DOCK5: variants seen among roughly 807,000 people sequenced by gnomAD.
DOCK5 encodes dedicator of cytokinesis 5, also known as dedicator of cytokinesis protein 5.
A neutral mutation model predicts 251.8 loss-of-function variants in DOCK5; 142 were observed. The observed-to-expected ratio is 0.56, with a 90% CI of 0.49 to 0.65. DOCK5 has a LOEUF of 0.65. DOCK5 is among the 30% of genes least tolerant of loss of function. The probability of loss-of-function intolerance (pLI) is 0.00; values close to 1 mark genes in which losing one functional copy is unlikely to be tolerated. For missense variants in DOCK5, 2,111 were observed against 2,312.3 expected (o/e 0.91, Z 1.79); for synonymous variants, 842 against 835.5 (o/e 1.01, Z -0.13).
intron 1 of DOCK5, among the ~76,000 whole-genome samples, chr8:25,199,820 G>T (rs917113680): frequency 6.7e-6 from 1 of 149,280 alleles, no homozygotes; most frequent in East Asian, 1.9e-4. Context: ...ATCTACCCAC[G>T]TGGAACCAGA....
At chr8:25,407,200 G>T (rs894891912) in intron 48 of DOCK5, among the ~76,000 whole-genome samples, 13 of 151,850 alleles carry the variant, frequency 8.6e-5, no homozygotes, top group African/African-American at 3.1e-4. Flanking sequence ...GAAGTGGTGG[G>T]ATTATTTCTA....
intron 15 of DOCK5, among the ~76,000 whole-genome samples, chr8:25,320,640 C>A (rs557341319): frequency 2.7e-4 from 41 of 152,214 alleles, no homozygotes; most frequent in African/African-American, 9.6e-4. Flanking sequence ...CTTATAGATC[C>A]AATTATTACT....
intron 1 of DOCK5, among the ~76,000 whole-genome samples, chr8:25,204,452 A>C (rs1459601138): frequency 6.6e-6 from 1 of 152,132 alleles, no homozygotes; most frequent in African/African-American, 2.4e-5. Flanking sequence ...ATTTTCTATT[A>C]CCTTCTAGAT....
At chr8:25,357,674 G>A (rs1800602536) in intron 27 of DOCK5, among the ~76,000 whole-genome samples, 1 of 152,002 alleles carries the variant, frequency 6.6e-6, no homozygotes, top group Admixed American at 6.6e-5. Flanking sequence ...CACCCCACCA[G>A]GCCTAAAAAA....
intron 48 of DOCK5, among the ~76,000 whole-genome samples, chr8:25,407,103 A>C (rs1801536133): frequency 6.6e-6 from 1 of 152,174 alleles, no homozygotes. Flanking sequence ...ATATGTATGT[A>C]ACTTGTATCA....
At chr8:25,271,864 A>G (rs1024289990) in intron 3 of DOCK5, among the ~76,000 whole-genome samples, 3 of 152,216 alleles carry the variant, frequency 2.0e-5, no homozygotes, top group African/African-American at 7.2e-5. Flanking sequence ...GAGTCATTCT[A>G]TAAGCATCAG....
chr8:25,339,865 C>T (rs1024083748), intron 22 of DOCK5, among the ~76,000 whole-genome samples: 2 of 152,108 alleles, frequency 1.3e-5, no homozygotes, highest in Non-Finnish European at 2.9e-5. Context: ...ATCTCATCTC[C>T]CACATGGAAA....
chr8:25,253,190 C>G (rs17053238), intron 2 of DOCK5, among the ~76,000 whole-genome samples: 4,052 of 152,284 alleles, frequency 0.027, 212 homozygotes, highest in African/African-American at 0.092. Context: ...GTAGAGTTCA[C>G]AACTGTTTCC....
At chr8:25,310,614 C>T (rs1365391309) in intron 13 of DOCK5, 82 bp downstream of exon 13, 1 of 1,458,594 alleles carries the variant, frequency 6.9e-7, no homozygotes, top group Non-Finnish European at 9.1e-7. Flanking sequence ...CAACTTGGAT[C>T]CAGAAGACTT....
At chr8:25,346,915 A>C (rs1375631867) in intron 26 of DOCK5, among the ~76,000 whole-genome samples, 1 of 152,010 alleles carries the variant, frequency 6.6e-6, no homozygotes, top group Non-Finnish European at 1.5e-5. Flanking sequence ...CAGAGCCCCC[A>C]CACAGGAAGC....
intron 2 of DOCK5, among the ~76,000 whole-genome samples, chr8:25,266,809 A>G (rs753446891): frequency 5.3e-5 from 8 of 151,584 alleles, no homozygotes; most frequent in Admixed American, 2.0e-4. Context: ...GCTTACACAC[A>G]CACCACAATT....
At chr8:25,395,176 C>A (rs956132180) in intron 44 of DOCK5, among the ~76,000 whole-genome samples, 1 of 152,132 alleles carries the variant, frequency 6.6e-6, no homozygotes, top group African/African-American at 2.4e-5. Context: ...CAACCTAGAT[C>A]CCTCGCATGT....
At position 25,390,201 on chromosome 8, in the gene DOCK5, T is replaced by C. The variant is rs374243872; in HGVS notation, c.4274-5T>C. 1.9e-6 allele frequency: 3 copies of C among 1,581,394 alleles called. No individual in the cohort carries two copies. The African/African-American group carries it at 4.0e-5, about 21-fold the overall frequency. The stretch of plus-strand genomic sequence containing the variant: ...CCCCTCTCCTTTCCTTAACGAGCTC[T>C]TCAGACATGCAGTGCTTCACTGTAA... On this transcript the variant is annotated splice_polypyrimidine_tract_variant and splice_region_variant and intron_variant, in intron 41 of 51. Coordinates refer to ENST00000276440, the MANE Select transcript of DOCK5 (RefSeq NM_024940.8).
intron 1 of DOCK5, among the ~76,000 whole-genome samples, chr8:25,196,143 T>C (rs73558404): frequency 0.14 from 21,803 of 152,230 alleles, 2,541 homozygotes; most frequent in African/African-American, 0.33. Flanking sequence ...GAATCATAAA[T>C]GTTGCATTAT....
At chr8:25,319,791 T>C (rs915665307) in intron 15 of DOCK5, 115 bp downstream of exon 15, 65 of 673,580 alleles carry the variant, frequency 9.6e-5, no homozygotes, top group Non-Finnish European at 1.6e-4. Flanking sequence ...ATAAGTTGCC[T>C]ATGGTGTGCA....
Position 25,275,573 on chromosome 8 carries a change from G to A in DOCK5, c.224+132G>A, listed in dbSNP as rs564443204. 3.1e-5 allele frequency: 27 copies of A among 872,040 alleles called. No individual in the cohort carries two copies. In the Middle Eastern group the frequency reaches 1.3e-3, roughly 43 times the overall value. The allele number at this position is 872,040 out of a possible 1,614,324, so 54.0% of individuals were successfully genotyped here. On this transcript the variant is annotated intron_variant, in intron 4 of 51. Coordinates refer to ENST00000276440, the MANE Select transcript of DOCK5 (RefSeq NM_024940.8). ...TCTCAGGCCAGGCGTGGTGGCTCAC[G>A]CCTGTAATCCCAGCACTTTGGGAGA...
chr8:25,391,862 G>C, intron 42 of DOCK5, 34 bp from the exon 43 acceptor site: 1 of 1,603,404 alleles, frequency 6.2e-7, no homozygotes, highest in Non-Finnish European at 8.5e-7. Context: ...TGTTCTAAGA[G>C]AGAAAAATAC....
intron 7 of DOCK5, among the ~76,000 whole-genome samples, chr8:25,298,240 C>G (rs1465063174): frequency 2.6e-5 from 4 of 151,816 alleles, no homozygotes; most frequent in Non-Finnish European, 4.4e-5. Context: ...TATTTGTGTT[C>G]TGAATCCAAT....
At position 25,408,034 on chromosome 8, in the gene DOCK5, T is replaced by C. The variant is rs1356111519; in HGVS notation, c.5145T>C (p.Val1715=). The C allele has an allele frequency of 1.2e-6, 2 of 1,612,124 alleles. No homozygotes were observed. The highest frequency in any genetic ancestry group is 3.3e-5 in the Admixed American group (2 of 59,772). The change falls in exon 49 of 52, where the codon GTT becomes GTC. Residue 1715 remains valine, a synonymous_variant. Transcript: ENST00000276440. The part of the protein sequence containing the change: ...LERRASSGAR[V]EDLSLREENS... ...GCAGGGCCTCGTCAGGTGCCAGAGTTGAAGATCTGTCCCTTAGAGAGGAGA... is the reference window on the plus strand; with the variant it reads ...GCAGGGCCTCGTCAGGTGCCAGAGTCGAAGATCTGTCCCTTAGAGAGGAGA...
Sources: allele counts gnomAD v4.1 joint callset (sites outside exome capture counted in the v4.1 genomes callset), GRCh38; gene constraint gnomAD v4.1.1; transcripts MANE v1.5; gene names NCBI Gene and HGNC (gene_info 2026-07-23, HGNC 2026-07-21).